The following AGMO variants were observed in gnomAD, a reference collection of about 807,000 sequenced individuals.
The protein encoded by AGMO is glyceryl-ether monooxygenase.
A neutral mutation model predicts 60.2 loss-of-function variants in AGMO; 75 were observed. That is an observed-to-expected ratio of 1.25 (90% CI 1.03 to 1.51). AGMO has a LOEUF of 1.51. AGMO is among the 40% of genes most tolerant of loss of function. The probability of loss-of-function intolerance (pLI) is 0.00; values close to 1 mark genes in which losing one functional copy is unlikely to be tolerated. For missense variants in AGMO, 763 were observed against 525.5 expected (o/e 1.45, Z -4.42); for synonymous variants, 261 against 177.1 (o/e 1.47, Z -3.76).
At chr7:15,523,109 T>C (rs1435575673) in intron 3 of AGMO, among the ~76,000 whole-genome samples, 1 of 152,180 alleles carries the variant, frequency 6.6e-6, no homozygotes, top group East Asian at 1.9e-4. Flanking sequence ...TCATCACTGG[T>C]CATTAGAAAA....
In AGMO at chr7:15,394,112, C is replaced by G; in HGVS notation, c.676+1G>C. 1 of 1,606,400 alleles carries G rather than the reference C, an allele frequency of 6.2e-7. No homozygotes were observed. ...AGAGAGAAGAAACAAAACTTCCTTA[C>G]CATGATGAACCCTATGATGGCTAGG... is the stretch of plus-strand genomic sequence containing the variant. On this transcript the variant is annotated splice_donor_variant, in intron 6 of 12. Transcript: ENST00000342526. LOFTEE classifies it high-confidence loss of function.
At chr7:15,187,343 T>G in the AGMO span, among the ~76,000 whole-genome samples, 1 of 152,210 alleles carries the variant, frequency 6.6e-6, no homozygotes, top group Admixed American at 6.5e-5. Flanking sequence ...GACACCAGTA[T>G]GCTGAAAAAA....
downstream of AGMO, among the ~76,000 whole-genome samples, chr7:15,196,248 C>G (rs545522332): frequency 6.6e-6 from 1 of 151,906 alleles, no homozygotes; most frequent in South Asian, 2.1e-4. Context: ...GGGGTTTCAC[C>G]ATATTGATCA....
At chr7:15,179,374 A>G in the AGMO span, among the ~76,000 whole-genome samples, 2 of 152,202 alleles carry the variant, frequency 1.3e-5, no homozygotes, top group Admixed American at 1.3e-4. Context: ...CTTTCAGAAT[A>G]TAATGGTGGG....
intron 3 of AGMO, among the ~76,000 whole-genome samples, chr7:15,459,599 T>TGTGTGTTTGTGTGTG (rs1554274867): frequency 3.5e-5 from 5 of 142,140 alleles, no homozygotes; most frequent in Non-Finnish European, 6.1e-5. Context: ...GTATGTGCGT[T>TGTGTGTTTGTGTGTG]TGTGTGTGTG....
intron 6 of AGMO, among the ~76,000 whole-genome samples, chr7:15,391,586 C>T (rs897614503): frequency 5.3e-5 from 8 of 152,028 alleles, no homozygotes; most frequent in African/African-American, 1.9e-4. Context: ...AGCCATTACC[C>T]CAAGAAGCTC....
At chr7:15,268,830 C>T (rs1040592371) in intron 12 of AGMO, among the ~76,000 whole-genome samples, 4 of 151,578 alleles carry the variant, frequency 2.6e-5, no homozygotes, top group African/African-American at 9.7e-5. Context: ...ATTATTTTGA[C>T]TTGTTAGATT....
At chr7:15,278,496 G>A (rs1008610474) in intron 12 of AGMO, among the ~76,000 whole-genome samples, 2 of 152,070 alleles carry the variant, frequency 1.3e-5, no homozygotes, top group African/African-American at 4.8e-5. Flanking sequence ...TGCTGGCTGT[G>A]ATAGGGATGG....
intron 3 of AGMO, among the ~76,000 whole-genome samples, chr7:15,475,423 C>G (rs982174997): frequency 1.3e-5 from 2 of 151,982 alleles, no homozygotes; most frequent in Non-Finnish European, 2.9e-5. Flanking sequence ...CCATCATTCT[C>G]AGGAAACTAA....
At chr7:15,346,409 C>A (rs1046441430) in intron 12 of AGMO, among the ~76,000 whole-genome samples, 1 of 152,054 alleles carries the variant, frequency 6.6e-6, no homozygotes, top group African/African-American at 2.4e-5. Flanking sequence ...CTACTTCCAA[C>A]ATTTAAACTA....
At chr7:15,541,380 A>G (rs1784628058) in intron 3 of AGMO, among the ~76,000 whole-genome samples, 1 of 152,182 alleles carries the variant, frequency 6.6e-6, no homozygotes, top group Non-Finnish European at 1.5e-5. Flanking sequence ...TCAGCCTCCC[A>G]AAGTGCTGGG....
intron 3 of AGMO, among the ~76,000 whole-genome samples, chr7:15,464,714 T>C (rs747972499): frequency 3.9e-5 from 6 of 152,190 alleles, no homozygotes; most frequent in South Asian, 2.1e-4. Context: ...AGACAGCAGT[T>C]ATAAACATAG....
chr7:15,319,986 C>T (rs1260667767), intron 12 of AGMO, among the ~76,000 whole-genome samples: 1 of 151,920 alleles, frequency 6.6e-6, no homozygotes, highest in Non-Finnish European at 1.5e-5. Context: ...TGGAAACCAT[C>T]ATTCTCAGCA....
chr7:15,471,976 A>G (rs1388792311), intron 3 of AGMO, among the ~76,000 whole-genome samples: 1 of 151,930 alleles, frequency 6.6e-6, no homozygotes, highest in African/African-American at 2.4e-5. Context: ...ATGAAAACAA[A>G]GAATATTTTT....
chr7:15,190,167 A>T, the AGMO span, among the ~76,000 whole-genome samples: 1 of 1,590 alleles, frequency 6.3e-4, no homozygotes, highest in Non-Finnish European at 1.3e-3. Flanking sequence ...ATTTATATAT[A>T]TATATATATA....
At chr7:15,288,858 A>AT (rs1472987131) in intron 12 of AGMO, among the ~76,000 whole-genome samples, 3 of 148,460 alleles carry the variant, frequency 2.0e-5, no homozygotes, top group African/African-American at 5.0e-5. Flanking sequence ...AAATAAAAAA[A>AT]AAAAAAATAT....
At chr7:15,542,749 A>G (rs143796462) in intron 3 of AGMO, among the ~76,000 whole-genome samples, 157 of 152,318 alleles carry the variant, frequency 1.0e-3, no homozygotes, top group South Asian at 4.6e-3. Context: ...ATTCTTAATC[A>G]TGTTTGATTT....
At chr7:15,409,705 C>T (rs1044988559) in intron 5 of AGMO, among the ~76,000 whole-genome samples, 5 of 151,680 alleles carry the variant, frequency 3.3e-5, no homozygotes, top group Admixed American at 1.3e-4. Flanking sequence ...TTTGCTTGCA[C>T]GTACTGGATG....
At chr7:15,391,013 G>T in intron 6 of AGMO, 108 bp from the exon 7 acceptor site, 1 of 659,260 alleles carries the variant, frequency 1.5e-6, no homozygotes, top group Non-Finnish European at 2.5e-6. Flanking sequence ...ATTTAAACAG[G>T]GTACAATTTC....
Sources: allele counts gnomAD v4.1 joint callset (sites outside exome capture counted in the v4.1 genomes callset), GRCh38; gene constraint gnomAD v4.1.1; transcripts MANE v1.5; gene names NCBI Gene and HGNC (gene_info 2026-07-23, HGNC 2026-07-21).